Variants in IL31RA observed in about 807,000 individuals in gnomAD.
IL31RA encodes interleukin-31 receptor subunit alpha.
Under a neutral mutation model 83.7 loss-of-function variants are expected in IL31RA, and 66 were observed. The ratio of observed to expected loss-of-function variants is 0.79; its 90% confidence interval spans 0.65 to 0.97. The LOEUF (loss-of-function observed/expected upper bound fraction) is 0.97, where lower values mean the gene tolerates loss of function less well. IL31RA is among the 50% of genes least tolerant of loss of function. The pLI is 0.00. For missense variants in IL31RA, 798 were observed against 919.4 expected (o/e 0.87, Z 1.71); for synonymous variants, 325 against 329.0 (o/e 0.99, Z 0.13).
intron 2 of IL31RA, among the ~76,000 whole-genome samples, chr5:55,863,574 C>T (rs1240995346): frequency 6.6e-6 from 1 of 152,230 alleles, no homozygotes; most frequent in African/African-American, 2.4e-5. Flanking sequence ...CATGGCCACC[C>T]TATTGATGAG....
rs562334826 is a variant in IL31RA, at chr5:55,857,170, T to C, written c.64-2339T>C. Among the ~76,000 whole-genome samples the C allele has an allele frequency of 1.1e-4, 17 of 151,988 alleles. No homozygotes were observed. The South Asian group carries it at 1.9e-3, about 17-fold the overall frequency. On this transcript the variant is annotated intron_variant, in intron 1 of 14. Transcript: ENST00000652347. ...CTGAAGTGCAGTCATGAGATCACAGTTCACTGCAGCCTCAACCTCCCAGGC... is the reference window on the plus strand; with the variant it reads ...CTGAAGTGCAGTCATGAGATCACAGCTCACTGCAGCCTCAACCTCCCAGGC...
Position 55,919,187 on chromosome 5 carries a change from C to T in IL31RA, c.*2067C>T, listed in dbSNP as rs966812591. Among the ~76,000 whole-genome samples, 1 of 152,138 alleles carries T rather than the reference C, an allele frequency of 6.6e-6. No homozygotes were observed. On this transcript the variant is annotated 3_prime_UTR_variant, in exon 15 of 15. Transcript: ENST00000652347. ...AGGATGGGGGAGGGCACGGGTACCCCCACAGCTGTTCTTTCAACCCTCCTG... is the reference window on the plus strand; with the variant it reads ...AGGATGGGGGAGGGCACGGGTACCCTCACAGCTGTTCTTTCAACCCTCCTG...
intron 2 of IL31RA, 148 bp downstream of exon 2, chr5:55,859,747 T>A: frequency 1.4e-6 from 1 of 716,186 alleles, no homozygotes; most frequent in Non-Finnish European, 2.6e-6. Context: ...TGTGTGTGTC[T>A]GTGTGTGCAC....
At chr5:55,842,481 C>T in the IL31RA span, among the ~76,000 whole-genome samples, 1 of 152,188 alleles carries the variant, frequency 6.6e-6, no homozygotes, top group Admixed American at 6.5e-5. Flanking sequence ...TTGTTCCACA[C>T]CTCTACCAGG....
At chr5:55,880,459 T>C (rs1433346435) in intron 4 of IL31RA, among the ~76,000 whole-genome samples, 1 of 152,138 alleles carries the variant, frequency 6.6e-6, no homozygotes, top group Non-Finnish European at 1.5e-5. Flanking sequence ...ACACCAACTA[T>C]GTACTCAAAA....
At chr5:55,912,045 C>T (rs1749530717) in intron 12 of IL31RA, among the ~76,000 whole-genome samples, 1 of 152,028 alleles carries the variant, frequency 6.6e-6, no homozygotes, top group African/African-American at 2.4e-5. Flanking sequence ...TGAATTTTTG[C>T]AACACTGGGC....
chr5:55,893,027 C>T lies in IL31RA; in HGVS notation c.772+2892C>T, dbSNP rs149352412. On this transcript the variant is annotated intron_variant, in intron 6 of 14. Transcript: ENST00000652347. The stretch of plus-strand genomic sequence containing the variant: ...TCAATGAAATGCCATTTGTTTAATG[C>T]GTACCACTTCAAACCTCTCTAATTG... 3.2e-4 allele frequency among the ~76,000 whole-genome samples: 49 copies of T among 152,180 alleles called. 1 individual carries two copies. Among genetic ancestry groups the T allele is most frequent in the Non-Finnish European group, 1.8e-4 (12 of 68,026 alleles).
At chr5:55,893,137 C>T (rs550346075) in intron 6 of IL31RA, among the ~76,000 whole-genome samples, 1 of 152,190 alleles carries the variant, frequency 6.6e-6, no homozygotes, top group African/African-American at 2.4e-5. Flanking sequence ...GAGTTACTTA[C>T]CTATATTTAG....
chr5:55,887,011 C>G (rs1340047229), intron 5 of IL31RA, among the ~76,000 whole-genome samples: 1 of 152,232 alleles, frequency 6.6e-6, no homozygotes, highest in Non-Finnish European at 1.5e-5. Flanking sequence ...TAGTTTTCAT[C>G]TGTTTTCCCT....
chr5:55,893,005 A>G (rs1748105639), intron 6 of IL31RA, among the ~76,000 whole-genome samples: 1 of 152,174 alleles, frequency 6.6e-6, no homozygotes, highest in African/African-American at 2.4e-5. Context: ...TCCTATTTCA[A>G]TGAAATGCCA....
intron 4 of IL31RA, among the ~76,000 whole-genome samples, chr5:55,874,240 G>A (rs188711379): frequency 3.7e-4 from 56 of 152,100 alleles, no homozygotes; most frequent in East Asian, 3.1e-3. Context: ...ATTTTTCAGG[G>A]TCTTCAATTC....
chr5:55,861,951 G>A (rs1315685623), intron 2 of IL31RA, among the ~76,000 whole-genome samples: 1 of 152,218 alleles, frequency 6.6e-6, no homozygotes, highest in Non-Finnish European at 1.5e-5. Flanking sequence ...TAGAGGGAAG[G>A]AGGGAGATGG....
At chr5:55,906,359 T>A in intron 9 of IL31RA, 71 bp downstream of exon 9, 1 of 1,464,738 alleles carries the variant, frequency 6.8e-7, no homozygotes, top group Non-Finnish European at 9.5e-7. Context: ...TTTTAGATCT[T>A]TAACTTTGGC....
At position 55,921,819 on chromosome 5, in the gene IL31RA, T is replaced by C. The variant is rs1395883961; in HGVS notation, c.*4699T>C. Among the ~76,000 whole-genome samples the C allele has an allele frequency of 6.6e-6, 1 of 152,178 alleles. No homozygotes were observed. Among genetic ancestry groups the C allele is most frequent in the Non-Finnish European group, 1.5e-5 (1 of 68,030 alleles). On this transcript the variant is annotated 3_prime_UTR_variant, in exon 15 of 15. Transcript: ENST00000652347. ...TCTGCCTCCGTGCTCCTGGGGACAT[T>C]GACAGACCAGCTGAGTTGCTAGAAA...
intron 8 of IL31RA, among the ~76,000 whole-genome samples, chr5:55,904,193 A>G (rs1580731987): frequency 6.6e-6 from 1 of 152,222 alleles, no homozygotes; most frequent in Non-Finnish European, 1.5e-5. Context: ...GGGGGATACA[A>G]TTCAACCTGT....
In IL31RA at chr5:55,853,980, G is replaced by A. The variant is rs1438444775; in HGVS notation, c.63+2347G>A. ...AGTCCAGGTTTGGAATAAGACAGTC[G>A]TGAGTTTGAATCTCATTTATGCTGC... is the stretch of plus-strand genomic sequence containing the variant. On this transcript the variant is annotated intron_variant, in intron 1 of 14. Coordinates refer to ENST00000652347, the MANE Select transcript of IL31RA (RefSeq NM_139017.7). 6.6e-5 allele frequency among the ~76,000 whole-genome samples: 10 copies of A among 152,284 alleles called. No homozygotes were observed. The East Asian group carries it at 1.2e-3, about 18-fold the overall frequency.
chr5:55,857,550 CT>C (rs1025442485), intron 1 of IL31RA, among the ~76,000 whole-genome samples: 1 of 152,172 alleles, frequency 6.6e-6, no homozygotes, highest in African/African-American at 2.4e-5. Flanking sequence ...GCTCATTTCT[CT>C]TTTTAGATGC....
chr5:55,845,324 G>A, the IL31RA span, among the ~76,000 whole-genome samples: 1 of 152,190 alleles, frequency 6.6e-6, no homozygotes, highest in Non-Finnish European at 1.5e-5. Flanking sequence ...TCTGGACTGT[G>A]AACTTCACAA....
At chr5:55,910,481 A>AT in intron 11 of IL31RA, 51 bp from the exon 12 acceptor site, 1 of 1,611,936 alleles carries the variant, frequency 6.2e-7, no homozygotes, top group Non-Finnish European at 8.5e-7. Context: ...CTGGGACACA[A>AT]TTTTCAGTCT....
Sources: gnomAD v4.1 joint callset for allele counts (sites outside exome capture counted in the v4.1 genomes callset) on GRCh38, gnomAD v4.1.1 for gene constraint, MANE v1.5 for transcripts, NCBI Gene and HGNC (gene_info 2026-07-23, HGNC 2026-07-21) for gene names.